The following SOX6 variants were observed in gnomAD, a reference collection of about 807,000 sequenced individuals.
SOX6 encodes the protein transcription factor SOX-6.
In SOX6, 11 loss-of-function variants were observed where a neutral mutation model predicts 97.8. That is an observed-to-expected ratio of 0.11 (90% CI 0.07 to 0.19). The LOEUF (loss-of-function observed/expected upper bound fraction) is 0.19. Ranked by LOEUF, SOX6 falls within the 10% of genes least tolerant of loss-of-function variation. The pLI, the probability that SOX6 is intolerant of heterozygous loss-of-function variation, is 1.00. For synonymous variants in SOX6, 360 were observed against 371.4 expected (o/e 0.97, Z 0.35); for missense variants, 810 against 1,039.5 (o/e 0.78, Z 3.04).
intron 1 of SOX6, among the ~76,000 whole-genome samples, chr11:16,414,511 G>A (rs1858887116): frequency 1.3e-5 from 2 of 151,888 alleles, no homozygotes; most frequent in South Asian, 4.2e-4. Flanking sequence ...TGAATAATGG[G>A]CATTATATAT....
At chr11:16,328,763 A>C (rs1307885941) in intron 2 of SOX6, among the ~76,000 whole-genome samples, 1 of 152,180 alleles carries the variant, frequency 6.6e-6, no homozygotes, top group Non-Finnish European at 1.5e-5. Context: ...TTCGGTTCCA[A>C]TAACTTCTTG....
intron 6 of SOX6, among the ~76,000 whole-genome samples, chr11:16,182,623 A>G (rs1851373686): frequency 6.6e-6 from 1 of 151,930 alleles, no homozygotes; most frequent in South Asian, 2.1e-4. Flanking sequence ...CAACTCATCT[A>G]TATTTGGACT....
intron 1 of SOX6, among the ~76,000 whole-genome samples, chr11:16,367,769 C>T (rs1320395061): frequency 6.6e-6 from 1 of 152,070 alleles, no homozygotes; most frequent in Non-Finnish European, 1.5e-5. Context: ...GGACTAAACA[C>T]CAATATTAGC....
chr11:16,362,186 G>A (rs955474969), intron 1 of SOX6, among the ~76,000 whole-genome samples: 1 of 152,184 alleles, frequency 6.6e-6, no homozygotes, highest in African/African-American at 2.4e-5. Context: ...GTTACAGAGG[G>A]AGAAAAAGTA....
At chr11:16,718,015 A>G (rs570385807) in intron 2 of SOX6, among the ~76,000 whole-genome samples, 56 of 151,716 alleles carry the variant, frequency 3.7e-4, no homozygotes, top group African/African-American at 1.3e-3. Flanking sequence ...AGTTCTAAGA[A>G]AAGCTTTTTG....
At chr11:16,625,347 G>A (rs1848609682) in intron 3 of SOX6, among the ~76,000 whole-genome samples, 1 of 152,132 alleles carries the variant, frequency 6.6e-6, no homozygotes, top group South Asian at 2.1e-4. Context: ...ATGTACGAGT[G>A]TGAAATAAGA....
chr11:16,132,488 G>GAAAGAAAC (rs1849839021), intron 6 of SOX6, among the ~76,000 whole-genome samples: 1 of 148,308 alleles, frequency 6.7e-6, no homozygotes, highest in Non-Finnish European at 1.5e-5. Flanking sequence ...AAGAAAGAAA[G>GAAAGAAAC]AAAGAAAGAA....
At chr11:16,099,536 T>C (rs1848886879) in intron 7 of SOX6, among the ~76,000 whole-genome samples, 2 of 151,846 alleles carry the variant, frequency 1.3e-5, no homozygotes, top group South Asian at 4.1e-4. Context: ...TCATGCATTA[T>C]TCATACTAAC....
chr11:16,416,117 A>G (rs1406603287), intron 1 of SOX6, among the ~76,000 whole-genome samples: 2 of 152,188 alleles, frequency 1.3e-5, no homozygotes, highest in Non-Finnish European at 2.9e-5. Flanking sequence ...AGCACTAGAG[A>G]CAGTCTGCTT....
rs572879918 is a variant in SOX6, at chr11:16,604,443, G to A, written n.609+7638C>T. On this transcript the variant is annotated intron_variant and non_coding_transcript_variant, in intron 4 of 5. Coordinates refer to the SOX6 transcript ENST00000524520. ...GAAGACCCTAGTGGGCGGGAGTAGAGGGGCCCTCTCTCATCTCTACTCCCC... is the reference window on the plus strand; with the variant it reads ...GAAGACCCTAGTGGGCGGGAGTAGAAGGGCCCTCTCTCATCTCTACTCCCC... Among the ~76,000 whole-genome samples, 867 of 152,316 alleles carry A rather than the reference G, an allele frequency of 5.7e-3. 14 individuals carry two copies. Among genetic ancestry groups the A allele is most frequent in the Non-Finnish European group, 6.5e-3 (440 of 68,020 alleles).
intron 3 of SOX6, among the ~76,000 whole-genome samples, chr11:16,633,429 C>T (rs901939492): frequency 2.0e-5 from 3 of 152,186 alleles, no homozygotes; most frequent in African/African-American, 7.2e-5. Flanking sequence ...AAACTCGTAA[C>T]AGGACCTTAA....
intron 3 of SOX6, among the ~76,000 whole-genome samples, chr11:16,267,947 G>GA (rs1420745866): frequency 6.6e-6 from 1 of 151,366 alleles, no homozygotes; most frequent in Non-Finnish European, 1.5e-5. Flanking sequence ...GCCAAACACA[G>GA]AAAGACAAAT....
At chr11:16,721,550 CTT>C (rs1491337023) in intron 2 of SOX6, among the ~76,000 whole-genome samples, 39 of 21,492 alleles carry the variant, frequency 1.8e-3, no homozygotes, top group African/African-American at 3.6e-3. Context: ...CTCTCTCTCT[CTT>C]CCCCCCCCTC....
chr11:16,049,663 A>C (rs543132466), intron 11 of SOX6, 92 bp downstream of exon 11: 10 of 1,434,288 alleles, frequency 7.0e-6, no homozygotes, highest in South Asian at 2.4e-5. Context: ...ACTAAGGAGC[A>C]CTTTGGAAAC....
chr11:16,655,652 T>A (rs1437689222), intron 3 of SOX6, among the ~76,000 whole-genome samples: 2 of 152,262 alleles, frequency 1.3e-5, no homozygotes, highest in Non-Finnish European at 2.9e-5. Flanking sequence ...TTTCAAAATT[T>A]TCTTCATTCT....
intron 6 of SOX6, among the ~76,000 whole-genome samples, chr11:16,150,813 C>T (rs890557337): frequency 4.6e-5 from 7 of 152,112 alleles, no homozygotes; most frequent in African/African-American, 1.2e-4. Flanking sequence ...CTTTATTTAA[C>T]GTCAGCATTT....
At chr11:16,374,416 C>A (rs1857587429) in intron 1 of SOX6, among the ~76,000 whole-genome samples, 1 of 151,938 alleles carries the variant, frequency 6.6e-6, no homozygotes, top group African/African-American at 2.4e-5. Flanking sequence ...TCTTCAGATT[C>A]AGAGTTATTC....
intron 6 of SOX6, among the ~76,000 whole-genome samples, chr11:16,132,305 AG>A (rs1849771583): frequency 1.5e-5 from 2 of 129,730 alleles, no homozygotes; most frequent in African/African-American, 6.1e-5. Flanking sequence ...GAAGGAAGGA[AG>A]GAAGGAAGGA....
At chr11:16,362,322 C>T (rs1294520748) in intron 1 of SOX6, among the ~76,000 whole-genome samples, 1 of 151,986 alleles carries the variant, frequency 6.6e-6, no homozygotes, top group African/African-American at 2.4e-5. Context: ...CTAAGGGATA[C>T]AAGCAATAAA....
Sources: allele counts gnomAD v4.1 joint callset (sites outside exome capture counted in the v4.1 genomes callset), GRCh38; gene constraint gnomAD v4.1.1; transcripts MANE v1.5; gene names NCBI Gene and HGNC (gene_info 2026-07-23, HGNC 2026-07-21).